Variants in RTKN2 observed in about 807,000 individuals in gnomAD.
RTKN2 encodes rhotekin 2.
A neutral mutation model predicts 71.5 loss-of-function variants in RTKN2; 69 were observed. The observed-to-expected ratio is 0.96, with a 90% CI of 0.79 to 1.18. The LOEUF (loss-of-function observed/expected upper bound fraction) is 1.18, where lower values mean the gene tolerates loss of function less well. Among genes scored for constraint, RTKN2 ranks in the 50% most tolerant of loss-of-function variants. The pLI, the probability that RTKN2 is intolerant of heterozygous loss-of-function variation, is 0.00. For missense variants in RTKN2, 724 were observed against 719.7 expected, an observed-to-expected ratio of 1.01 and a Z score of -0.07; for synonymous variants, 236 against 236.5, an observed-to-expected ratio of 1.00 and a Z score of 0.02.
intron 6 of RTKN2, among the ~76,000 whole-genome samples, chr10:62,234,058 T>C (rs1380387591): frequency 1.3e-5 from 2 of 152,130 alleles, no homozygotes; most frequent in African/African-American, 4.8e-5. Context: ...TTTCCAAGTC[T>C]TGGCAGAAAA....
At chr10:62,243,308 A>G (rs1431493369) in intron 3 of RTKN2, among the ~76,000 whole-genome samples, 1 of 151,810 alleles carries the variant, frequency 6.6e-6, no homozygotes, top group Non-Finnish European at 1.5e-5. Context: ...AGACATTGTA[A>G]TTTTGTTTTT....
chr10:62,248,850 G>C (rs1035874597), intron 2 of RTKN2, among the ~76,000 whole-genome samples: 4 of 152,094 alleles, frequency 2.6e-5, no homozygotes, highest in Non-Finnish European at 5.9e-5. Flanking sequence ...GTTATAATGA[G>C]AAATAGCCCA....
chr10:62,205,209 AAAG>A (rs1350970516), intron 9 of RTKN2, among the ~76,000 whole-genome samples, 187 bp from the exon 10 acceptor site: 2 of 152,200 alleles, frequency 1.3e-5, no homozygotes, highest in Non-Finnish European at 2.9e-5. Context: ...GGTTTTTAAA[AAAG>A]AATGCTTTAT....
intron 6 of RTKN2, among the ~76,000 whole-genome samples, chr10:62,231,507 A>T (rs1842147393): frequency 6.6e-6 from 1 of 152,222 alleles, no homozygotes; most frequent in Non-Finnish European, 1.5e-5. Flanking sequence ...GTGCTTCCAA[A>T]ACCAACAGTG....
At chr10:62,226,663 A>G (rs1305471119) in intron 6 of RTKN2, among the ~76,000 whole-genome samples, 1 of 152,268 alleles carries the variant, frequency 6.6e-6, no homozygotes, top group Non-Finnish European at 1.5e-5. Flanking sequence ...TAAGAGAGGG[A>G]CAAGTGGCCA....
rs753975043 is a variant in RTKN2, at chr10:62,199,742, A to AACC, written c.1294+9_1294+11dup. On this transcript the variant is annotated intron_variant, in intron 11 of 11. Coordinates refer to ENST00000373789, the MANE Select transcript of RTKN2 (RefSeq NM_145307.4). The stretch of plus-strand genomic sequence containing the variant: ...GTTATCCTGCAGCTTAGAAAAGACA[A>AACC]ACCCCACTTACTCATATCATGGTAG... 1 of 1,528,936 alleles carries AACC rather than the reference A, an allele frequency of 6.5e-7. No individual in the cohort carries two copies. The highest frequency in any genetic ancestry group is 1.1e-5 in the South Asian group (1 of 88,992). 94.7% of individuals were successfully genotyped at this position (1,528,936 alleles called of 1,614,324 possible). A position where few individuals can be genotyped will look rare whatever the true frequency, so the allele number is the denominator to read the frequency against.
In RTKN2 at chr10:62,196,810, A is replaced by G; in HGVS notation, c.*1098T>C. 2.0e-6 allele frequency: 2 copies of G among 976,586 alleles called. No homozygotes were observed. Among genetic ancestry groups the G allele is most frequent in the South Asian group, 9.5e-5 (2 of 21,094 alleles). The allele number at this position is 976,586 out of a possible 1,614,324, so 60.5% of individuals were successfully genotyped here. ...TTGTTTACAAAAAGCATTATTATAA[A>G]AAATGGATTTTTTGTTCCTTTAAGG... On this transcript the variant is annotated 3_prime_UTR_variant, in exon 12 of 12. Transcript: ENST00000373789.
chr10:62,221,100 G>C (rs1841895217), intron 7 of RTKN2, among the ~76,000 whole-genome samples: 2 of 147,582 alleles, frequency 1.4e-5, no homozygotes, highest in African/African-American at 2.5e-5. Context: ...GAAACATGTA[G>C]GTAAATCTAA....
At chr10:62,265,480 T>G (rs1434884926) in intron 1 of RTKN2, among the ~76,000 whole-genome samples, 1 of 152,140 alleles carries the variant, frequency 6.6e-6, no homozygotes, top group Non-Finnish European at 1.5e-5. Flanking sequence ...GAGGCAGGTC[T>G]CAGGCAAATG....
Position 62,198,468 on chromosome 10 carries a change from A to C in RTKN2, c.1295-25T>G, listed in dbSNP as rs937914865. 4 of 1,390,648 alleles carry C rather than the reference A, an allele frequency of 2.9e-6. No homozygotes were observed. The African/African-American group carries it at 4.3e-5, about 15-fold the overall frequency. The allele number at this position is 1,390,648 out of a possible 1,614,324, so 86.1% of individuals were successfully genotyped here. A position where few individuals can be genotyped will look rare whatever the true frequency, so the allele number is the denominator to read the frequency against. ...CCTATAATAATTTTAAGAAAAAAAA[A>C]CATGAAAAAATTCAAAAGCAGTATG... On this transcript the variant is annotated intron_variant, in intron 11 of 11. Transcript: ENST00000373789.
intron 2 of RTKN2, among the ~76,000 whole-genome samples, chr10:62,253,550 T>C (rs550245418): frequency 6.6e-6 from 1 of 152,220 alleles, no homozygotes; most frequent in African/African-American, 2.4e-5. Context: ...CAAAAGCCAA[T>C]GTGACAGTCA....
chr10:62,211,507 A>G (rs959016745), intron 9 of RTKN2, among the ~76,000 whole-genome samples: 2 of 152,344 alleles, frequency 1.3e-5, no homozygotes, highest in South Asian at 2.1e-4. Flanking sequence ...ATGTTTTCAA[A>G]TAATTTTTAA....
downstream of RTKN2, among the ~76,000 whole-genome samples, chr10:62,189,446 T>C (rs1435669085): frequency 6.6e-6 from 1 of 152,218 alleles, no homozygotes; most frequent in Non-Finnish European, 1.5e-5. Context: ...ATTCTTTCAA[T>C]CTTGATGTTG....
chr10:62,229,946 G>A (rs1842113623), intron 6 of RTKN2, among the ~76,000 whole-genome samples: 1 of 152,086 alleles, frequency 6.6e-6, no homozygotes, highest in African/African-American at 2.4e-5. Flanking sequence ...CCCACTAACA[G>A]ATAATGTGGC....
Position 62,262,786 on chromosome 10 carries a change from A to C in RTKN2, c.96T>G (p.Ile32Met). 6.2e-7 allele frequency: 1 copy of C among 1,610,712 alleles called. No individual in the cohort carries two copies. The highest frequency in any genetic ancestry group is 8.5e-7 in the Non-Finnish European group (1 of 1,178,864). Reference protein sequence around the residue: ...CNIQEKIDLEIRMREGIWKLL... With the variant: ...CNIQEKIDLEMRMREGIWKLL... Reference sequence around the variant, plus strand: ...GTTTCCATATTCCTTCTCGCATTCGAATTTCTAAGTCTATTTTTTCTTGAA... The same window carrying C: ...GTTTCCATATTCCTTCTCGCATTCGCATTTCTAAGTCTATTTTTTCTTGAA... The change falls in exon 2 of 12, where the codon ATT becomes ATG. Residue 32 changes from isoleucine (I) to methionine (M), a missense_variant. Ile to Met is a conservative substitution (Grantham distance 10, BLOSUM62 1). Coordinates refer to ENST00000373789, the MANE Select transcript of RTKN2 (RefSeq NM_145307.4).
At chr10:62,224,892 G>A in intron 6 of RTKN2, among the ~76,000 whole-genome samples, 1 of 152,140 alleles carries the variant, frequency 6.6e-6, no homozygotes, top group East Asian at 1.9e-4. Flanking sequence ...TGGAAATACA[G>A]GGAGTGATGA....
At chr10:62,265,501 G>T (rs1842852877) in intron 1 of RTKN2, among the ~76,000 whole-genome samples, 1 of 151,930 alleles carries the variant, frequency 6.6e-6, no homozygotes, top group Non-Finnish European at 1.5e-5. Flanking sequence ...TCAGTTAAGT[G>T]GATCCCAGAA....
intron 2 of RTKN2, among the ~76,000 whole-genome samples, chr10:62,246,568 T>C (rs1473317080): frequency 6.6e-6 from 1 of 151,996 alleles, no homozygotes; most frequent in Non-Finnish European, 1.5e-5. Context: ...CATATTTAAT[T>C]TCCCCAAGAT....
At chr10:62,215,110 T>A (rs1841741398) in intron 9 of RTKN2, 1 of 1,390,086 alleles carries the variant, frequency 7.2e-7, no homozygotes, top group African/African-American at 1.5e-5. Context: ...ATATCATTTG[T>A]TTAGATTACA....
Sources: allele counts gnomAD v4.1 joint callset (sites outside exome capture counted in the v4.1 genomes callset), GRCh38; gene constraint gnomAD v4.1.1; transcripts MANE v1.5; gene names NCBI Gene and HGNC (gene_info 2026-07-23, HGNC 2026-07-21).